The following ATG9B variants were observed in gnomAD, a reference collection of about 807,000 sequenced individuals.
ATG9B encodes the protein autophagy-related protein 9B.
ATG9B carries 92 observed loss-of-function variants against 92.9 expected under a neutral mutation model. The observed-to-expected ratio is 0.99, with a 90% CI of 0.84 to 1.18. The LOEUF (loss-of-function observed/expected upper bound fraction) is 1.18. Ranked by LOEUF, ATG9B falls within the 50% of genes most tolerant of loss-of-function variation. The probability of loss-of-function intolerance (pLI) is 0.00; values close to 1 mark genes in which losing one functional copy is unlikely to be tolerated. For synonymous variants in ATG9B, 599 were observed against 551.4 expected (o/e 1.09, Z -1.21); for missense variants, 1,344 against 1,235.0 (o/e 1.09, Z -1.32).
At position 151,024,036 on chromosome 7, in the gene ATG9B, A is replaced by G; in HGVS notation, c.388T>C (p.Ser130Pro). Residue 130 changes from serine to proline, a missense_variant, in exon 1 of 14, where the codon TCA becomes CCA. Transcript: ENST00000639579. ...PPLAPATPTPSQQCPQDSPGL... is the reference protein window; with the variant it reads ...PPLAPATPTPPQQCPQDSPGL... ...GGAGAGTCCTGGGGGCACTGCTGTG[A>G]GGGAGTGGGGGTTGCCGGGGCCAGG... The G allele has an allele frequency of 2.0e-6, 3 of 1,525,364 alleles. No homozygotes were observed. The South Asian group carries it at 3.5e-5, about 18-fold the overall frequency. The allele number at this position is 1,525,364 out of a possible 1,614,324, so 94.5% of individuals were successfully genotyped here.
Position 151,018,465 on chromosome 7 carries a change from T to G in ATG9B, c.1719-18A>C. ...TGAAAGACCTGAAAGGCGGGATCCGTGGGGGGAAGGGGCCTGCGATTAGGA... is the reference window on the plus strand; with the variant it reads ...TGAAAGACCTGAAAGGCGGGATCCGGGGGGGGAAGGGGCCTGCGATTAGGA... On this transcript the variant is annotated intron_variant, in intron 6 of 13. Transcript: ENST00000639579. This position sits in a 1 kb window ranked among gnomAD's most constrained non-coding sequence, Gnocchi z 4.7. 1.3e-6 allele frequency: 2 copies of G among 1,517,692 alleles called. No individual in the cohort carries two copies. Among genetic ancestry groups the G allele is most frequent in the East Asian group, 2.3e-5 (1 of 42,564 alleles). 94.0% of individuals were successfully genotyped at this position (1,517,692 alleles called of 1,614,324 possible).
At position 151,019,153 on chromosome 7, in the gene ATG9B, G is replaced by A; in HGVS notation, c.1185C>T (p.Gly395=). 6.5e-7 allele frequency: 1 copy of A among 1,536,196 alleles called. No individual in the cohort carries two copies. Among genetic ancestry groups the A allele is most frequent in the East Asian group, 2.4e-5 (1 of 40,906 alleles). Reference sequence around the variant, plus strand: ...GCAGCAGGTCGACATTGAGCGCCAGGCCGCGGCTGAGGAAAGCCGCACTGC... The same window carrying A: ...GCAGCAGGTCGACATTGAGCGCCAGACCGCGGCTGAGGAAAGCCGCACTGC... ...WGGSAAFLSR[G]LALNVDLLLF... is the part of the protein sequence containing the mutation. Residue 395 remains glycine, a synonymous_variant, in exon 6 of 14, where the codon GGC becomes GGT. Transcript: ENST00000639579.
downstream of ATG9B, chr7:151,013,656 C>T (rs573597496): frequency 1.4e-5 from 19 of 1,392,700 alleles, no homozygotes; most frequent in African/African-American, 2.6e-4. Context: ...CAGGGCCAGC[C>T]AGCAGCCCCG....
At chr7:151,013,327 GGGTGTTTGGCCGAGTC>G, downstream of ATG9B, 3 of 1,614,006 alleles carry the variant, frequency 1.9e-6, no homozygotes, top group South Asian at 3.3e-5. Context: ...CAGCAGCGCG[GGGTGTTTGGCCGAGTC>G]CTCACCGCCT....
In ATG9B at chr7:151,018,571, G is replaced by T. The variant is rs374596040; in HGVS notation, c.1718+49C>A. On this transcript the variant is annotated intron_variant, in intron 6 of 13. Transcript: ENST00000639579. This position sits in a 1 kb window ranked among gnomAD's most constrained non-coding sequence, Gnocchi z 4.7. ...TCGGGGGGAACCTCACATGGCCCCA[G>T]ATCAGAGAAACCAACACACACCACC... The T allele has an allele frequency of 1.9e-6, 3 of 1,568,404 alleles. No homozygotes were observed. The highest frequency in any genetic ancestry group is 1.8e-5 in the Admixed American group (1 of 55,106).
In ATG9B at chr7:151,018,555, A is replaced by C; in HGVS notation, c.1718+65T>G. ...TGGGAGAGGTAAGGATTCGGGGGGA[A>C]CCTCACATGGCCCCAGATCAGAGAA... On this transcript the variant is annotated intron_variant, in intron 6 of 13. Coordinates refer to ENST00000639579, the MANE Select transcript of ATG9B (RefSeq NM_001317056.2). The surrounding 1 kb of genome is among the most constrained non-coding windows in gnomAD (Gnocchi z 4.7). 6.5e-7 allele frequency: 1 copy of C among 1,538,320 alleles called. No individual in the cohort carries two copies. The highest frequency in any genetic ancestry group is 2.4e-5 in the East Asian group (1 of 42,154).
chr7:151,013,649 G>GGCCA (rs1428779627), downstream of ATG9B: 9 of 1,367,946 alleles, frequency 6.6e-6, no homozygotes, highest in Non-Finnish European at 8.9e-6. Flanking sequence ...TCACGTCCAG[G>GGCCA]GCCAGCCAGC....
rs1395193445 is a variant in ATG9B at position 151,023,804 on chromosome 7, C to A, written c.550+70G>T. On this transcript the variant is annotated intron_variant, in intron 1 of 13. Coordinates refer to ENST00000639579, the MANE Select transcript of ATG9B (RefSeq NM_001317056.2). The stretch of plus-strand genomic sequence containing the variant: ...CACGTTCTCAACCCGCTGCCAGAGG[C>A]CCAGCCTGGGATAAGTACTGGAGCT... 2.0e-5 allele frequency: 32 copies of A among 1,612,084 alleles called. 2 individuals are homozygous for A. The highest frequency in any genetic ancestry group is 1.6e-4 in the Middle Eastern group (1 of 6,080).
downstream of ATG9B, chr7:151,013,600 C>T: frequency 1.9e-6 from 2 of 1,064,234 alleles, no homozygotes; most frequent in Admixed American, 5.5e-5. Flanking sequence ...GACACCGCCC[C>T]AGGGCACGCA....
In ATG9B at chr7:151,023,161, G is replaced by C; in HGVS notation, c.705C>G (p.Cys235Trp). The C allele has an allele frequency of 1.9e-6, 3 of 1,614,162 alleles. No individual in the cohort carries two copies. The highest frequency in any genetic ancestry group is 2.5e-6 in the Non-Finnish European group (3 of 1,180,034). The change falls in exon 4 of 14, where the codon TGC becomes TGG. Residue 235 changes from cysteine (C) to tryptophan (W), a missense_variant. Physicochemically the swap from Cys to Trp is radical, Grantham distance 215 (BLOSUM62 -2). Transcript: ENST00000639579. ...IVTFTTFLLR[C>W]VDYNVLFANQ... ...TGGCAAAGAGAACATTGTAATCCAC[G>C]CATCGAAGGAGGAAGGTTGTGAAGG...
chr7:151,016,927 G>A (rs1332227649), intron 9 of ATG9B, 106 bp from the exon 10 acceptor site: 2 of 1,505,870 alleles, frequency 1.3e-6, no homozygotes, highest in African/African-American at 2.8e-5. Flanking sequence ...GCAGGCTGGG[G>A]GCGGGGGCTG....
chr7:151,022,922 G>T, intron 4 of ATG9B, 123 bp downstream of exon 4: 4 of 1,233,330 alleles, frequency 3.2e-6, no homozygotes, highest in East Asian at 2.4e-5. Context: ...GTGTATTTTT[G>T]GTCCTAAGAC....
Position 151,024,436 on chromosome 7 carries a change from T to A in ATG9B, c.-13A>T. 1 of 1,331,688 alleles carries A rather than the reference T, an allele frequency of 7.5e-7. No homozygotes were observed. Among genetic ancestry groups the A allele is most frequent in the Non-Finnish European group, 9.7e-7 (1 of 1,035,726 alleles). 82.5% of individuals were successfully genotyped at this position (1,331,688 alleles called of 1,614,324 possible). ...TTCGGCTCACCATCAGGCCACGGCTTCTCCAGAAAGGTTGGAAGGATGGGA... is the reference window on the plus strand; with the variant it reads ...TTCGGCTCACCATCAGGCCACGGCTACTCCAGAAAGGTTGGAAGGATGGGA... On this transcript the variant is annotated 5_prime_UTR_variant, in exon 1 of 14. Transcript: ENST00000639579.
In ATG9B at chr7:151,019,040, G is replaced by A; in HGVS notation, c.1298C>T (p.Ala433Val). Residue 433 changes from alanine to valine, a missense_variant, in exon 6 of 14, where the codon GCG becomes GTG. Ala to Val is a moderately conservative substitution (Grantham distance 64, BLOSUM62 0). Transcript: ENST00000639579. ...KRSDQRGALAARWGRTVLLLA... is the reference protein window; with the variant it reads ...KRSDQRGALAVRWGRTVLLLA... The stretch of plus-strand genomic sequence containing the variant: ...CAGCAGCACTGTGCGCCCCCAGCGC[G>A]CTGCTAGGGCGCCCCGCTGGTCGCT... 1 of 1,539,146 alleles carries A rather than the reference G, an allele frequency of 6.5e-7. No homozygotes were observed. Among genetic ancestry groups the A allele is most frequent in the Non-Finnish European group, 8.7e-7 (1 of 1,147,764 alleles).
Position 151,017,972 on chromosome 7 carries a change from C to A in ATG9B, c.1951G>T (p.Glu651Ter), listed in dbSNP as rs746648302. ...AAGTGATGAAAAAAGTCGATAATCT[C>A]CAGGGCACGAGGGCGGAACCAGAAA... ...LLFWFRPRALEIIDFFHHFTV... is the reference protein window; with the variant it reads ...LLFWFRPRAL Residue 651 changes from glutamate to a stop codon, truncating the protein, a stop_gained, in exon 8 of 14, where the codon GAG (glutamate) becomes TAG (stop). Coordinates refer to ENST00000639579, the MANE Select transcript of ATG9B (RefSeq NM_001317056.2). LOFTEE classifies it high-confidence loss of function. 4 of 1,607,200 alleles carry A rather than the reference C, an allele frequency of 2.5e-6. No individual in the cohort carries two copies. In the African/African-American group the frequency reaches 5.3e-5, roughly 21 times the overall value.
At chr7:151,022,206 A>C (rs538858826) in intron 4 of ATG9B, among the ~76,000 whole-genome samples, 1 of 148,522 alleles carries the variant, frequency 6.7e-6, no homozygotes, top group South Asian at 2.1e-4. Flanking sequence ...GGGAGGGAGG[A>C]GGGTGTAGGG....
At position 151,017,868 on chromosome 7, in the gene ATG9B, G is replaced by A. The variant is rs746512577; in HGVS notation, c.2052+3C>T. 6.2e-7 allele frequency: 1 copy of A among 1,604,020 alleles called. No individual in the cohort carries two copies. The highest frequency in any genetic ancestry group is 1.1e-5 in the South Asian group (1 of 89,194). ...ACCCCCAGGGCCAGGGAACGGCTCT[G>A]ACCTGAGGGTGTCCGTGGCGCTTCA... On this transcript the variant is annotated splice_donor_region_variant and intron_variant, in intron 8 of 13. Coordinates refer to ENST00000639579, the MANE Select transcript of ATG9B (RefSeq NM_001317056.2).
chr7:151,018,869 C>T lies in ATG9B; in HGVS notation c.1469G>A (p.Arg490His), dbSNP rs1249292262. The T allele has an allele frequency of 2.9e-6, 4 of 1,364,498 alleles. No homozygotes were observed. The highest frequency in any genetic ancestry group is 8.0e-5 in the Admixed American group (2 of 25,084). The allele number at this position is 1,364,498 out of a possible 1,614,324, so 84.5% of individuals were successfully genotyped here. Reference protein sequence around the residue: ...GWSRLARLQLRHFNELPHELR... With the variant: ...GWSRLARLQLHHFNELPHELR... ...CTCGTGCGGCAGCTCGTTGAAGTGG[C>T]GCAGCTGCAAGCGCGCCAGGCGGGA... The change falls in exon 6 of 14, where the codon CGC becomes CAC. Residue 490 changes from arginine to histidine, a missense_variant. Arg to His is a conservative substitution (Grantham distance 29, BLOSUM62 0). Coordinates refer to ENST00000639579, the MANE Select transcript of ATG9B (RefSeq NM_001317056.2). The surrounding 1 kb of genome is among the most constrained non-coding windows in gnomAD (Gnocchi z 4.7).
chr7:151,024,276 T>G lies in ATG9B; in HGVS notation c.148A>C (p.Ile50Leu). 7.0e-7 allele frequency: 1 copy of G among 1,434,262 alleles called. No homozygotes were observed. The highest frequency in any genetic ancestry group is 9.2e-7 in the Non-Finnish European group (1 of 1,089,862). 88.8% of individuals were successfully genotyped at this position (1,434,262 alleles called of 1,614,324 possible). Residue 50 changes from isoleucine to leucine, a missense_variant, in exon 1 of 14, where the codon ATC becomes CTC. Ile to Leu is a conservative substitution (Grantham distance 5). Coordinates refer to ENST00000639579, the MANE Select transcript of ATG9B (RefSeq NM_001317056.2). ...CRGPGGGRIS[I>L]FSLSPAPHTR... ...TGAGGGGCAGGGGACAGAGAGAAGA[T>G]GGAGATCCTCCCTCCCCCAGGTCCC...
Sources: gnomAD v4.1 joint callset for allele counts (sites outside exome capture counted in the v4.1 genomes callset) on GRCh38, gnomAD v4.1.1 for gene constraint, Gnocchi (gnomAD v3.1) non-coding constraint, MANE v1.5 for transcripts, NCBI Gene and HGNC (gene_info 2026-07-23, HGNC 2026-07-21) for gene names.